Variants in CDYL2 observed in about 807,000 individuals in gnomAD.
CDYL2 encodes chromodomain Y-like protein 2.
Under a neutral mutation model 49.4 loss-of-function variants are expected in CDYL2, and 23 were observed. The ratio of observed to expected loss-of-function variants is 0.47; its 90% confidence interval spans 0.34 to 0.66. CDYL2 has a LOEUF of 0.66. Ranked by LOEUF, CDYL2 falls within the 30% of genes least tolerant of loss-of-function variation. The pLI is 0.01. For missense variants in CDYL2, 678 were observed against 656.4 expected (o/e 1.03, Z -0.36); for synonymous variants, 360 against 268.8 (o/e 1.34, Z -3.32).
At position 80,759,202 on chromosome 16, in the gene CDYL2, T is replaced by G. The variant is rs574366177; in HGVS notation, c.24+44948A>C. ...GTGTGTATATATATATATAATTTGATATGTTAATCTACCTATGATATAGGT... is the reference window on the plus strand; with the variant it reads ...GTGTGTATATATATATATAATTTGAGATGTTAATCTACCTATGATATAGGT... On this transcript the variant is annotated intron_variant, in intron 1 of 6. Transcript: ENST00000570137. 9.8e-3 allele frequency among the ~76,000 whole-genome samples: 1,418 copies of G among 144,958 alleles called. 12 individuals carry two copies. Among genetic ancestry groups the G allele is most frequent in the Non-Finnish European group, 0.016 (1,062 of 66,448 alleles).
chr16:80,637,168 G>A (rs952051886), intron 2 of CDYL2, among the ~76,000 whole-genome samples: 3 of 151,648 alleles, frequency 2.0e-5, no homozygotes, highest in South Asian at 2.1e-4. Context: ...AAACCTGCAC[G>A]TTCTGTATAT....
At chr16:80,641,675 C>T (rs575185477) in intron 2 of CDYL2, among the ~76,000 whole-genome samples, 1 of 143,484 alleles carries the variant, frequency 7.0e-6, no homozygotes, top group South Asian at 2.1e-4. Flanking sequence ...CGTGTTCTCA[C>T]TCATAGGAGG....
intron 1 of CDYL2, among the ~76,000 whole-genome samples, chr16:80,712,381 T>C (rs1401496452): frequency 6.6e-6 from 1 of 151,870 alleles, no homozygotes; most frequent in Non-Finnish European, 1.5e-5. Flanking sequence ...TGTGTACCCT[T>C]ACAAGTCTCT....
At chr16:80,689,783 A>G (rs1006623256) in intron 1 of CDYL2, among the ~76,000 whole-genome samples, 3 of 152,220 alleles carry the variant, frequency 2.0e-5, no homozygotes, top group African/African-American at 7.2e-5. Context: ...TGAGAAACAC[A>G]GGCCTTAAAA....
rs1906112418 is a variant in CDYL2 at position 80,602,067 on chromosome 16, A to T, written c.*2321T>A. The T allele has an allele frequency of 6.6e-6, 1 of 152,226 alleles. No individual in the cohort carries two copies. Among genetic ancestry groups the T allele is most frequent in the Admixed American group, 6.5e-5 (1 of 15,288 alleles). The allele number at this position is 152,226 out of a possible 1,614,324, so 9.4% of individuals were successfully genotyped here. A position where few individuals can be genotyped will look rare whatever the true frequency, so the allele number is the denominator to read the frequency against. The stretch of plus-strand genomic sequence containing the variant: ...ATAACTGCGCCCAATCAGAAGTTCA[A>T]CAGAAAAGAGGGGGCTCTTTCTAAT... On this transcript the variant is annotated 3_prime_UTR_variant, in exon 7 of 7. Coordinates refer to ENST00000570137, the MANE Select transcript of CDYL2 (RefSeq NM_152342.4).
At chr16:80,636,565 G>C (rs1314245264) in intron 2 of CDYL2, among the ~76,000 whole-genome samples, 3 of 152,212 alleles carry the variant, frequency 2.0e-5, no homozygotes, top group Non-Finnish European at 4.4e-5. Flanking sequence ...ACAGGTGCTG[G>C]AGAGGATGTG....
At chr16:80,758,211 T>C (rs563206666) in intron 1 of CDYL2, among the ~76,000 whole-genome samples, 1 of 152,258 alleles carries the variant, frequency 6.6e-6, no homozygotes, top group East Asian at 1.9e-4. Context: ...TATTAATAAT[T>C]AGTTACACAG....
chr16:80,748,969 C>G (rs116353348), intron 1 of CDYL2, among the ~76,000 whole-genome samples: 63 of 152,180 alleles, frequency 4.1e-4, no homozygotes, highest in African/African-American at 1.4e-3. Flanking sequence ...ATATTACCAT[C>G]GAGAACATTG....
rs184566943 is a variant in CDYL2 at position 80,723,679 on chromosome 16, T to A, written c.25-38550A>T. On this transcript the variant is annotated intron_variant, in intron 1 of 6. Coordinates refer to ENST00000570137, the MANE Select transcript of CDYL2 (RefSeq NM_152342.4). ...GCTGCTACAGTAAATAAAGTTTTATTGATAACACAGCTGTGCCATTCGTTT... is the reference window on the plus strand; with the variant it reads ...GCTGCTACAGTAAATAAAGTTTTATAGATAACACAGCTGTGCCATTCGTTT... Among the ~76,000 whole-genome samples, 6 of 152,346 alleles carry A rather than the reference T, an allele frequency of 3.9e-5. No individual in the cohort carries two copies. In the East Asian group the frequency reaches 1.2e-3, roughly 29 times the overall value.
intron 6 of CDYL2, 91 bp downstream of exon 6, chr16:80,608,001 G>C (rs1389318585): frequency 2.1e-6 from 3 of 1,405,180 alleles, no homozygotes; most frequent in Non-Finnish European, 2.8e-6. Flanking sequence ...GCGACCTCTA[G>C]CAAGTCAGTG....
chr16:80,640,100 C>A (rs543402451), intron 2 of CDYL2, among the ~76,000 whole-genome samples: 2 of 152,298 alleles, frequency 1.3e-5, no homozygotes, highest in East Asian at 3.9e-4. Flanking sequence ...AGCCAGTAGA[C>A]TCAGGGGGCA....
intron 4 of CDYL2, among the ~76,000 whole-genome samples, chr16:80,614,457 C>G (rs757527718): frequency 2.4e-4 from 36 of 152,234 alleles, no homozygotes; most frequent in Non-Finnish European, 5.0e-4. Context: ...GTTCCTGAGT[C>G]ACCAATGGGA....
At chr16:80,743,890 G>A (rs1439830795) in intron 1 of CDYL2, among the ~76,000 whole-genome samples, 1 of 152,164 alleles carries the variant, frequency 6.6e-6, no homozygotes, top group East Asian at 1.9e-4. Flanking sequence ...TTGGCACCCA[G>A]TAAGTGGTAA....
intron 1 of CDYL2, among the ~76,000 whole-genome samples, chr16:80,786,493 G>A (rs1351887569): frequency 6.6e-6 from 1 of 152,184 alleles, no homozygotes; most frequent in African/African-American, 2.4e-5. Context: ...TGGAAAAATA[G>A]GAACGCTTTT....
chr16:80,782,147 C>A (rs187480642), intron 1 of CDYL2, among the ~76,000 whole-genome samples: 4 of 151,678 alleles, frequency 2.6e-5, no homozygotes, highest in Admixed American at 2.6e-4. Context: ...ATGAAGAAGG[C>A]TCAATGAGAA....
chr16:80,742,361 T>G (rs1305500852), intron 1 of CDYL2: 1 of 150,140 alleles, frequency 6.7e-6, no homozygotes, highest in Admixed American at 6.6e-5. Flanking sequence ...GACAAATGGA[T>G]GGATGGATGA....
chr16:80,735,382 T>C (rs1435057835), intron 1 of CDYL2, among the ~76,000 whole-genome samples: 1 of 152,232 alleles, frequency 6.6e-6, no homozygotes, highest in Non-Finnish European at 1.5e-5. Context: ...TTTACAAGTT[T>C]TCCCCTTCTC....
intron 3 of CDYL2, among the ~76,000 whole-genome samples, chr16:80,626,643 G>A (rs1178838835): frequency 2.0e-5 from 3 of 152,202 alleles, no homozygotes; most frequent in Non-Finnish European, 4.4e-5. Flanking sequence ...TAGAAAACAA[G>A]GCATGGCGTG....
At chr16:80,713,470 G>T (rs774596149) in intron 1 of CDYL2, among the ~76,000 whole-genome samples, 4 of 152,060 alleles carry the variant, frequency 2.6e-5, no homozygotes, top group Non-Finnish European at 5.9e-5. Context: ...GTTCCATTGG[G>T]ATATTAAAGC....
Sources: allele counts gnomAD v4.1 joint callset (sites outside exome capture counted in the v4.1 genomes callset), GRCh38; gene constraint gnomAD v4.1.1; transcripts MANE v1.5; gene names NCBI Gene and HGNC (gene_info 2026-07-23, HGNC 2026-07-21).